ARB2A: variants seen among roughly 807,000 people sequenced by gnomAD.
ARB2A encodes cotranscriptional regulator ARB2A.
At chr5:93,666,602 C>T in the ARB2A span, among the ~76,000 whole-genome samples, 1 of 151,088 alleles carries the variant, frequency 6.6e-6, no homozygotes, top group South Asian at 2.1e-4. Flanking sequence ...TTTGTGTTAA[C>T]AGGCCATTCC....
the ARB2A span, among the ~76,000 whole-genome samples, chr5:93,986,381 G>A: frequency 4.7e-5 from 7 of 148,698 alleles, no homozygotes; most frequent in Admixed American, 6.7e-5. Flanking sequence ...GCCCCCGCCC[G>A]GCAGCTGCCC....
At chr5:93,946,950 TAGA>T in the ARB2A span, among the ~76,000 whole-genome samples, 1 of 152,214 alleles carries the variant, frequency 6.6e-6, no homozygotes, top group Non-Finnish European at 1.5e-5. Flanking sequence ...AAACATCTGA[TAGA>T]AGAGTATTAT....
chr5:93,704,950 G>C, the ARB2A span, among the ~76,000 whole-genome samples: 1 of 152,126 alleles, frequency 6.6e-6, no homozygotes, highest in South Asian at 2.1e-4. Flanking sequence ...CCAGGCCTTG[G>C]GGGTATTCAA....
the ARB2A span, among the ~76,000 whole-genome samples, chr5:93,692,352 C>A: frequency 2.0e-5 from 3 of 151,588 alleles, no homozygotes; most frequent in Non-Finnish European, 3.0e-5. Flanking sequence ...AAAACAAAAA[C>A]AAAAACAAAA....
At chr5:93,848,767 T>C in the ARB2A span, among the ~76,000 whole-genome samples, 1 of 152,238 alleles carries the variant, frequency 6.6e-6, no homozygotes, top group Admixed American at 6.5e-5. Context: ...TCATATGCTA[T>C]AAAGATTGTT....
the ARB2A span, among the ~76,000 whole-genome samples, chr5:93,636,336 G>C: frequency 4.6e-5 from 7 of 152,160 alleles, no homozygotes; most frequent in Non-Finnish European, 1.5e-5. Context: ...CTGAATGTTT[G>C]TTTCTCCTCA....
At chr5:93,810,294 T>C in the ARB2A span, among the ~76,000 whole-genome samples, 2 of 151,976 alleles carry the variant, frequency 1.3e-5, no homozygotes, top group Non-Finnish European at 2.9e-5. Context: ...GTGTCCTTTG[T>C]GCAACCTTCC....
the ARB2A span, among the ~76,000 whole-genome samples, chr5:94,084,651 C>T: frequency 1.3e-5 from 2 of 152,250 alleles, no homozygotes; most frequent in African/African-American, 2.4e-5. Flanking sequence ...ATTAAGAAAG[C>T]ATGCCATTAA....
chr5:93,985,496 G>A, the ARB2A span, among the ~76,000 whole-genome samples: 56 of 151,922 alleles, frequency 3.7e-4, no homozygotes, highest in Non-Finnish European at 5.4e-4. Context: ...CTGTATTGCC[G>A]CGATCTCCAC....
At chr5:93,660,029 GT>G in the ARB2A span, among the ~76,000 whole-genome samples, 2,921 of 144,250 alleles carry the variant, frequency 0.02, 35 homozygotes, top group African/African-American at 0.026. Context: ...ATAGAATAGA[GT>G]TTTTTTTTTT....
the ARB2A span, among the ~76,000 whole-genome samples, chr5:93,748,301 C>G: frequency 6.6e-6 from 1 of 151,844 alleles, no homozygotes; most frequent in Admixed American, 6.6e-5. Context: ...AAAAGGTTAG[C>G]ATGAAACTTA....
At chr5:93,924,814 G>C in the ARB2A span, among the ~76,000 whole-genome samples, 1 of 152,126 alleles carries the variant, frequency 6.6e-6, no homozygotes, top group African/African-American at 2.4e-5. Context: ...CATTGTTAAA[G>C]TATTACATAA....
chr5:93,986,252 C>T, the ARB2A span, among the ~76,000 whole-genome samples: 1 of 151,218 alleles, frequency 6.6e-6, no homozygotes, highest in Non-Finnish European at 1.5e-5. Context: ...GTGAGGAGCC[C>T]CTCCACCCAG....
chr5:94,103,365 C>G, the ARB2A span, among the ~76,000 whole-genome samples: 2 of 151,930 alleles, frequency 1.3e-5, no homozygotes, highest in African/African-American at 4.8e-5. Flanking sequence ...ACAGATTGCT[C>G]TTTTAATTTG....
At chr5:93,640,568 GTGTGTA>G in the ARB2A span, among the ~76,000 whole-genome samples, 73 of 148,268 alleles carry the variant, frequency 4.9e-4, 1 homozygote, top group African/African-American at 1.8e-3. Flanking sequence ...GTGTGTGTGT[GTGTGTA>G]TGTGTGTGTG....
the ARB2A span, among the ~76,000 whole-genome samples, chr5:93,634,754 C>A: frequency 1.3e-5 from 2 of 152,014 alleles, no homozygotes; most frequent in South Asian, 4.2e-4. Context: ...AAATATAAAA[C>A]TGAGACTCTT....
the ARB2A span, among the ~76,000 whole-genome samples, chr5:93,909,041 G>A: frequency 6.6e-6 from 1 of 150,778 alleles, no homozygotes; most frequent in Admixed American, 6.6e-5. Flanking sequence ...TTTTTGAAAG[G>A]CCTTCATAAA....
chr5:93,620,525 G>A, the ARB2A span: 2 of 153,102 alleles, frequency 1.3e-5, no homozygotes, highest in African/African-American at 4.8e-5. Context: ...GAAAAACCTA[G>A]TGAAAATGGA....
the ARB2A span, among the ~76,000 whole-genome samples, chr5:93,977,305 C>CA: frequency 1.8e-3 from 272 of 147,432 alleles, 2 homozygotes; most frequent in South Asian, 5.6e-3. Flanking sequence ...CAAACCTAAG[C>CA]AAAAAAAAAT....
Sources: allele counts gnomAD v4.1 joint callset (sites outside exome capture counted in the v4.1 genomes callset), GRCh38; gene constraint gnomAD v4.1.1; transcripts MANE v1.5; gene names NCBI Gene and HGNC (gene_info 2026-07-23, HGNC 2026-07-21).